Variants in SEC62 observed in about 807,000 individuals in gnomAD.
SEC62 encodes translocation protein SEC62.
Under a neutral mutation model 47.5 loss-of-function variants are expected in SEC62, and 10 were observed. The ratio of observed to expected loss-of-function variants is 0.21; its 90% CI spans 0.13 to 0.36. SEC62 has a LOEUF of 0.36. Among genes scored for constraint, SEC62 ranks in the 10% least tolerant of loss-of-function variants. SEC62 has a pLI of 1.00. For synonymous variants in SEC62, 136 were observed against 150.5 expected, an observed-to-expected ratio of 0.90 and a Z score of 0.71; for missense variants, 327 against 464.1, an observed-to-expected ratio of 0.70 and a Z score of 2.71.
chr3:169,972,428 C>T (rs964493186), intron 1 of SEC62, among the ~76,000 whole-genome samples: 1 of 152,070 alleles, frequency 6.6e-6, no homozygotes, highest in African/African-American at 2.4e-5. Flanking sequence ...TAATCTCACT[C>T]CTAATTTGGG....
intron 6 of SEC62, 25 bp from the exon 7 acceptor site, chr3:169,988,215 T>C (rs1715153954): frequency 1.9e-6 from 3 of 1,612,756 alleles, no homozygotes; most frequent in Non-Finnish European, 2.5e-6. Flanking sequence ...TTCTAAAATT[T>C]AACTTTTGTC....
At chr3:169,977,614 T>G (rs1714867651) in intron 3 of SEC62, among the ~76,000 whole-genome samples, 1 of 152,194 alleles carries the variant, frequency 6.6e-6, no homozygotes, top group Non-Finnish European at 1.5e-5. Context: ...TTTTCTGTTT[T>G]GAAAAAACTT....
rs371128032 is a variant in SEC62, at chr3:169,966,808, G to A, written c.-15G>A. 2.2e-4 allele frequency: 341 copies of A among 1,552,574 alleles called. 1 individual carries two copies. In the African/African-American group the frequency reaches 3.6e-3, roughly 17 times the overall value. ...CCTCGCTCCACGTCAGAGGGAACCGGGCGGAGCGGCCAACATGGCGGAACG... is the reference window on the plus strand; with the variant it reads ...CCTCGCTCCACGTCAGAGGGAACCGAGCGGAGCGGCCAACATGGCGGAACG... On this transcript the variant is annotated 5_prime_UTR_variant, in exon 1 of 8. Coordinates refer to ENST00000337002, the MANE Select transcript of SEC62 (RefSeq NM_003262.4).
At chr3:169,979,184 A>G (rs1446040474) in intron 3 of SEC62, among the ~76,000 whole-genome samples, 1 of 152,232 alleles carries the variant, frequency 6.6e-6, no homozygotes, top group East Asian at 1.9e-4. Flanking sequence ...ACTAAAATAA[A>G]TGAGAATAGC....
rs1332009922 is a variant in SEC62 at position 169,973,628 on chromosome 3, A to C, written c.37-1980A>C. ...CAGTGAGATGAGATAGCACCATTGC[A>C]CTCCAGCCTGGGAGACAGAGCAAGA... On this transcript the variant is annotated intron_variant, in intron 1 of 7. Coordinates refer to ENST00000337002, the MANE Select transcript of SEC62 (RefSeq NM_003262.4). Among the ~76,000 whole-genome samples, 3 of 150,978 alleles carry C rather than the reference A, an allele frequency of 2.0e-5. No homozygotes were observed. In the East Asian group the frequency reaches 5.8e-4, roughly 29 times the overall value.
chr3:169,975,068 G>C (rs1050563632), intron 1 of SEC62, among the ~76,000 whole-genome samples: 1 of 152,076 alleles, frequency 6.6e-6, no homozygotes, highest in South Asian at 2.1e-4. Flanking sequence ...ATCACTTGAG[G>C]TCAGGAGTTC....
chr3:169,988,342 T>C lies in SEC62; in HGVS notation c.713T>C (p.Ile238Thr), dbSNP rs1276877406. The C allele has an allele frequency of 6.2e-7, 1 of 1,613,724 alleles. No homozygotes were observed. ...GGTGCAGGCTGTTTTGTAGCCAGTATTCTTCTCCTTGCTGTTGGTAAGTAT... is the reference window on the plus strand; with the variant it reads ...GGTGCAGGCTGTTTTGTAGCCAGTACTCTTCTCCTTGCTGTTGGTAAGTAT... The part of the protein sequence containing the change: ...SVGAGCFVAS[I>T]LLLAVARCIL... The change falls in exon 7 of 8, where the codon ATT becomes ACT. Residue 238 changes from isoleucine (I) to threonine (T), a missense_variant. Ile to Thr is a moderately conservative substitution (Grantham distance 89). Around this residue, in one of 3 missense-constraint regions of SEC62, gnomAD observed 99 missense variants for 194.0 expected, o/e 0.51. Coordinates refer to ENST00000337002, the MANE Select transcript of SEC62 (RefSeq NM_003262.4).
chr3:169,972,476 A>G (rs1177978616), intron 1 of SEC62, among the ~76,000 whole-genome samples: 10 of 151,738 alleles, frequency 6.6e-5, no homozygotes, highest in Admixed American at 6.6e-4. Context: ...GTGCAGTGGC[A>G]TGATCTTGGT....
intron 7 of SEC62, 24 bp downstream of exon 7, chr3:169,988,383 G>T: frequency 1.2e-6 from 2 of 1,612,464 alleles, no homozygotes; most frequent in Non-Finnish European, 1.7e-6. Context: ...TTATAAAATT[G>T]ACCTCAAGAA....
intron 1 of SEC62, among the ~76,000 whole-genome samples, chr3:169,970,918 A>C (rs1288990308): frequency 1.3e-5 from 2 of 152,212 alleles, no homozygotes; most frequent in East Asian, 3.8e-4. Context: ...AGGGGGAGGT[A>C]CTGTAGTCCA....
intron 7 of SEC62, among the ~76,000 whole-genome samples, chr3:169,990,743 C>T (rs182569893): frequency 1.3e-4 from 20 of 152,146 alleles, no homozygotes; most frequent in South Asian, 6.2e-4. Context: ...TTACCTTTTC[C>T]GTTTATACCA....
At chr3:169,987,681 C>A (rs1463978151) in intron 6 of SEC62, among the ~76,000 whole-genome samples, 1 of 152,084 alleles carries the variant, frequency 6.6e-6, no homozygotes, top group Non-Finnish European at 1.5e-5. Context: ...ATAATTCTTT[C>A]TTGTGTCCCC....
chr3:169,997,049 A>T lies in SEC62; in HGVS notation c.*3986A>T, dbSNP rs1715394126. 2.0e-5 allele frequency: 3 copies of T among 152,224 alleles called. No individual in the cohort carries two copies. The South Asian group carries it at 6.2e-4, about 31-fold the overall frequency. 9.4% of individuals were successfully genotyped at this position (152,224 alleles called of 1,614,324 possible). On this transcript the variant is annotated 3_prime_UTR_variant, in exon 8 of 8. Coordinates refer to ENST00000337002, the MANE Select transcript of SEC62 (RefSeq NM_003262.4). ...TGTTGTAAGCATTTTGATAACTAAAATCCTGTTCTAGTGAATGTCATGCAG... is the reference window on the plus strand; with the variant it reads ...TGTTGTAAGCATTTTGATAACTAAATTCCTGTTCTAGTGAATGTCATGCAG...
chr3:169,992,837 T>C lies in SEC62; in HGVS notation c.974T>C (p.Val325Ala), dbSNP rs1399561174. The C allele has an allele frequency of 6.2e-7, 1 of 1,613,064 alleles. No homozygotes were observed. Among genetic ancestry groups the C allele is most frequent in the Non-Finnish European group, 8.5e-7 (1 of 1,179,748 alleles). ...AAAAAGGAAGATGAGGAGGGGAAAG[T>C]AGGACCAGGAAATCATGGAACAGAA... ...SEKKEDEEGK[V>A]GPGNHGTEGS... The change falls in exon 8 of 8, where the codon GTA becomes GCA. Residue 325 changes from valine to alanine, a missense_variant. Physicochemically the swap from Val to Ala is moderately conservative, Grantham distance 64. Transcript: ENST00000337002. The surrounding 1 kb of genome is among the most constrained non-coding windows in gnomAD (Gnocchi z 4.0).
rs1048165048 is a variant in SEC62 at position 169,995,376 on chromosome 3, A to C, written c.*2313A>C. On this transcript the variant is annotated 3_prime_UTR_variant, in exon 8 of 8. Coordinates refer to ENST00000337002, the MANE Select transcript of SEC62 (RefSeq NM_003262.4). ...GATTGTTCTTAAAGTCAATGTATTA[A>C]ATAAGGTATTTTTCCTTTTCCCTCT... The C allele has an allele frequency of 1.3e-5, 2 of 152,206 alleles. No homozygotes were observed. Among genetic ancestry groups the C allele is most frequent in the African/African-American group, 2.4e-5 (1 of 41,448 alleles). 9.4% of individuals were successfully genotyped at this position (152,206 alleles called of 1,614,324 possible). A position where few individuals can be genotyped will look rare whatever the true frequency, so the allele number is the denominator to read the frequency against.
At chr3:169,979,140 C>A (rs1401031246) in intron 3 of SEC62, among the ~76,000 whole-genome samples, 1 of 152,174 alleles carries the variant, frequency 6.6e-6, no homozygotes, top group Non-Finnish European at 1.5e-5. Context: ...ATACGCTCTT[C>A]CCACTGATGT....
In SEC62 at chr3:169,986,327, G is replaced by A. The variant is rs935055063; in HGVS notation, c.610+462G>A. On this transcript the variant is annotated intron_variant, in intron 6 of 7. Transcript: ENST00000337002. ...TGCAGTGACCCAGCAATTCTAGGCT[G>A]TTCCCATACAGTTGCACAAAGTGTG... is the stretch of plus-strand genomic sequence containing the variant. Among the ~76,000 whole-genome samples, 4 of 152,188 alleles carry A rather than the reference G, an allele frequency of 2.6e-5. No individual in the cohort carries two copies. In the East Asian group the frequency reaches 7.7e-4, roughly 29 times the overall value.
rs1052890986 is a variant in SEC62 at position 169,993,271 on chromosome 3, A to T, written c.*208A>T. ...CAGTTTAAAGCCATTAATATGTTTTATCCATTTGATAATTTTACAGTAAGT... is the reference window on the plus strand; with the variant it reads ...CAGTTTAAAGCCATTAATATGTTTTTTCCATTTGATAATTTTACAGTAAGT... On this transcript the variant is annotated 3_prime_UTR_variant, in exon 8 of 8. Coordinates refer to ENST00000337002, the MANE Select transcript of SEC62 (RefSeq NM_003262.4). 2.2e-6 allele frequency: 1 copy of T among 464,262 alleles called. No homozygotes were observed. Among genetic ancestry groups the T allele is most frequent in the Non-Finnish European group, 3.8e-6 (1 of 263,700 alleles). 28.8% of individuals were successfully genotyped at this position (464,262 alleles called of 1,614,324 possible). A position where few individuals can be genotyped will look rare whatever the true frequency, so the allele number is the denominator to read the frequency against.
chr3:169,968,328 A>G (rs961778173), intron 1 of SEC62: 1 of 152,214 alleles, frequency 6.6e-6, no homozygotes, highest in Non-Finnish European at 1.5e-5. Flanking sequence ...TGTAAGGGCT[A>G]TATAATTCAC....
Sources: gnomAD v4.1 joint callset for allele counts (sites outside exome capture counted in the v4.1 genomes callset) on GRCh38, gnomAD v4.1.1 for gene constraint, gnomAD v4.1.1 regional missense constraint, Gnocchi (gnomAD v3.1) non-coding constraint, MANE v1.5 for transcripts, NCBI Gene and HGNC (gene_info 2026-07-23, HGNC 2026-07-21) for gene names.